The following BEND7 variants were observed in gnomAD, a reference collection of about 807,000 sequenced individuals.
BEND7 encodes the protein BEN domain containing 7.
BEND7 carries 28 observed loss-of-function variants against 50.9 expected under a neutral mutation model. That is an observed-to-expected ratio of 0.55 (90% CI 0.41 to 0.75). BEND7 has a LOEUF of 0.75. Among genes scored for constraint, BEND7 ranks in the 30% least tolerant of loss-of-function variants. BEND7 has a pLI of 0.00. For synonymous variants in BEND7, 170 were observed against 183.9 expected, an observed-to-expected ratio of 0.92 and a Z score of 0.61; for missense variants, 477 against 491.3, an observed-to-expected ratio of 0.97 and a Z score of 0.28.
Position 13,441,160 on chromosome 10 carries a change from C to T in BEND7, c.*583G>A, listed in dbSNP as rs1588585729. ...CATCTTGGGAATTGATACCACAACA[C>T]AATGTTATACACCATTTTCACAACC... is the stretch of plus-strand genomic sequence containing the variant. On this transcript the variant is annotated 3_prime_UTR_variant, in exon 9 of 9. Coordinates refer to ENST00000466271, the MANE Select transcript of BEND7 (RefSeq NM_001369863.1). The T allele has an allele frequency of 2.0e-6, 2 of 982,770 alleles. No individual in the cohort carries two copies. The highest frequency in any genetic ancestry group is 1.7e-5 in the African/African-American group (1 of 57,158). 60.9% of individuals were successfully genotyped at this position (982,770 alleles called of 1,614,324 possible).
rs745840672 is a variant in BEND7 at position 13,492,848 on chromosome 10, T to C, written c.600A>G (p.Pro200=). The change falls in exon 5 of 9, where the codon CCA becomes CCG. Residue 200 remains proline, a synonymous_variant. Transcript: ENST00000466271. Reference sequence around the variant, plus strand: ...TTCGCTGGGAGCATATAAGGGAAATTGGAGGTTGTTGTCTGTTTTGAGTTC... The same window carrying C: ...TTCGCTGGGAGCATATAAGGGAAATCGGAGGTTGTTGTCTGTTTTGAGTTC... The part of the protein sequence containing the change: ...AVGTQNRQQP[P]ISLICSQRTA... 35 of 1,604,184 alleles carry C rather than the reference T, an allele frequency of 2.2e-5. No individual in the cohort carries two copies. In the East Asian group the frequency reaches 7.1e-4, roughly 33 times the overall value.
chr10:13,486,108 GC>G (rs1162207415), intron 5 of BEND7, among the ~76,000 whole-genome samples: 1 of 152,112 alleles, frequency 6.6e-6, no homozygotes, highest in South Asian at 2.1e-4. Flanking sequence ...TGAATTCCTG[GC>G]CTTCAGTGAT....
Position 13,441,320 on chromosome 10 carries a change from T to C in BEND7, c.*423A>G. ...GGATTTTTTTTTTGCTAAGAAAGCC[T>C]ATAAAAAGGTTTCTGAATAAAGACT... On this transcript the variant is annotated 3_prime_UTR_variant, in exon 9 of 9. Coordinates refer to ENST00000466271, the MANE Select transcript of BEND7 (RefSeq NM_001369863.1). 1 of 997,172 alleles carries C rather than the reference T, an allele frequency of 1.0e-6. No homozygotes were observed. The highest frequency in any genetic ancestry group is 1.2e-6 in the Non-Finnish European group (1 of 837,548). The allele number at this position is 997,172 out of a possible 1,614,324, so 61.8% of individuals were successfully genotyped here. A position where few individuals can be genotyped will look rare whatever the true frequency, so the allele number is the denominator to read the frequency against.
At chr10:13,456,681 C>T (rs1449057719) in intron 6 of BEND7, among the ~76,000 whole-genome samples, 1 of 152,186 alleles carries the variant, frequency 6.6e-6, no homozygotes, top group Admixed American at 6.5e-5. Context: ...CCACTAGATT[C>T]TAAGCAACTT....
chr10:13,529,512 C>G (rs1365914603), upstream of BEND7, among the ~76,000 whole-genome samples: 1 of 152,170 alleles, frequency 6.6e-6, no homozygotes, highest in Non-Finnish European at 1.5e-5. Context: ...CTCCCATTCC[C>G]TAACCCAGGC....
chr10:13,521,791 C>T (rs1209436292), intron 2 of BEND7, among the ~76,000 whole-genome samples: 1 of 152,262 alleles, frequency 6.6e-6, no homozygotes, highest in Non-Finnish European at 1.5e-5. Context: ...GGCCACCTGA[C>T]TCCAGGTGAA....
chr10:13,514,496 T>G (rs183708169), intron 2 of BEND7, among the ~76,000 whole-genome samples: 1 of 152,180 alleles, frequency 6.6e-6, no homozygotes, highest in African/African-American at 2.4e-5. Flanking sequence ...TTCCAGTTCA[T>G]TGCAGATGAC....
At chr10:13,513,747 G>A (rs1306164471) in intron 2 of BEND7, among the ~76,000 whole-genome samples, 2 of 152,120 alleles carry the variant, frequency 1.3e-5, no homozygotes, top group African/African-American at 2.4e-5. Context: ...ATTACACTGC[G>A]GACCTCCATG....
intron 5 of BEND7, among the ~76,000 whole-genome samples, chr10:13,489,173 A>C: frequency 6.6e-6 from 1 of 152,136 alleles, no homozygotes; most frequent in Admixed American, 6.5e-5. Flanking sequence ...TTCTACAGAG[A>C]GAAATGGAGT....
intron 5 of BEND7, among the ~76,000 whole-genome samples, chr10:13,492,191 G>A (rs2076711018): frequency 6.6e-6 from 1 of 152,102 alleles, no homozygotes; most frequent in African/African-American, 2.4e-5. Flanking sequence ...GAATTAGCAT[G>A]ACTGCTCCTT....
At chr10:13,523,360 G>A (rs1158472844) in intron 2 of BEND7, among the ~76,000 whole-genome samples, 1 of 152,242 alleles carries the variant, frequency 6.6e-6, no homozygotes, top group Non-Finnish European at 1.5e-5. Flanking sequence ...ACCCTACCAT[G>A]TGAGATACAC....
chr10:13,523,322 G>A (rs765745625), intron 2 of BEND7, among the ~76,000 whole-genome samples: 3 of 152,188 alleles, frequency 2.0e-5, no homozygotes, highest in Non-Finnish European at 4.4e-5. Flanking sequence ...CCTAAAGCAC[G>A]AGGCCAAGCC....
At chr10:13,444,296 A>T (rs1182967290) in intron 8 of BEND7, 2 of 152,222 alleles carry the variant, frequency 1.3e-5, no homozygotes, top group Non-Finnish European at 2.9e-5. Context: ...CAGAAGGTGA[A>T]TCCATTTCTG....
rs372808886 is a variant in BEND7, at chr10:13,499,908, C to T, written c.318G>A (p.Pro106=). 4.0e-5 allele frequency: 64 copies of T among 1,613,984 alleles called. No individual in the cohort carries two copies. Among genetic ancestry groups the T allele is most frequent in the African/African-American group, 8.0e-5 (6 of 74,912 alleles). The change falls in exon 3 of 9, where the codon CCG becomes CCA. Residue 106 remains proline (P), a synonymous_variant. Transcript: ENST00000466271. ...PPRLNSSAEA[P]QSLHPSSRGV... ...CACGTGAAGACGGGTGGAGGCTTTGCGGGGCCTCAGCAGAGGAGTTCAAAC... is the reference window on the plus strand; with the variant it reads ...CACGTGAAGACGGGTGGAGGCTTTGTGGGGCCTCAGCAGAGGAGTTCAAAC...
At chr10:13,482,371 A>T (rs548745949) in intron 5 of BEND7, among the ~76,000 whole-genome samples, 1 of 152,358 alleles carries the variant, frequency 6.6e-6, no homozygotes, top group East Asian at 1.9e-4. Context: ...CTGAATTAAG[A>T]CATGCTATCA....
At chr10:13,448,847 C>T (rs546534679) in intron 7 of BEND7, among the ~76,000 whole-genome samples, 3 of 152,022 alleles carry the variant, frequency 2.0e-5, no homozygotes, top group Non-Finnish European at 2.9e-5. Flanking sequence ...AGGTGGCAGG[C>T]GCCTGTAGTC....
In BEND7 at chr10:13,454,446, A is replaced by ATCAG. The variant is rs149262654; in HGVS notation, c.1064-1789_1064-1788insCTGA. On this transcript the variant is annotated intron_variant, in intron 6 of 8. Transcript: ENST00000466271. ...ATACAGTGAGACCCTGTCTCAATCA[A>ATCAG]TCAATCAATCCATCAGTCAATCAGT... 1.8e-4 allele frequency among the ~76,000 whole-genome samples: 27 copies of ATCAG among 151,846 alleles called. No individual in the cohort carries two copies. In the South Asian group the frequency reaches 4.0e-3, roughly 22 times the overall value.
At chr10:13,466,378 G>A (rs991316526) in intron 6 of BEND7, among the ~76,000 whole-genome samples, 3 of 152,052 alleles carry the variant, frequency 2.0e-5, no homozygotes, top group African/African-American at 4.8e-5. Flanking sequence ...TGGCCAACAT[G>A]CCGAAACCCT....
At chr10:13,496,916 C>T (rs2077058737) in intron 3 of BEND7, 28 bp from the exon 4 acceptor site, 2 of 1,369,420 alleles carry the variant, frequency 1.5e-6, no homozygotes, top group Non-Finnish European at 1.9e-6. Context: ...GAATGACATA[C>T]TCCAAACAAA....
Sources: allele counts gnomAD v4.1 joint callset (sites outside exome capture counted in the v4.1 genomes callset), GRCh38; gene constraint gnomAD v4.1.1; transcripts MANE v1.5; gene names NCBI Gene and HGNC (gene_info 2026-07-23, HGNC 2026-07-21).